CLASP1: variants seen among roughly 807,000 people sequenced by gnomAD.
CLASP1 encodes the protein cytoplasmic linker associated protein 1.
A neutral mutation model predicts 192.3 loss-of-function variants in CLASP1; 38 were observed. The ratio of observed to expected loss-of-function variants is 0.20; its 90% CI spans 0.15 to 0.26. The LOEUF is 0.26. Ranked by LOEUF, CLASP1 falls within the 10% of genes least tolerant of loss-of-function variation. The pLI is 1.00. For missense variants in CLASP1, 1,433 were observed against 1,932.5 expected (o/e 0.74, Z 4.85); for synonymous variants, 691 against 712.8 (o/e 0.97, Z 0.49).
At chr2:121,366,020 T>C (rs2067338597) in intron 35 of CLASP1, among the ~76,000 whole-genome samples, 1 of 152,212 alleles carries the variant, frequency 6.6e-6, no homozygotes, top group African/African-American at 2.4e-5. Flanking sequence ...ATCAGACAAG[T>C]TATTAGGAAC....
At chr2:121,411,535 ATTAT>A (rs959936247) in intron 23 of CLASP1, among the ~76,000 whole-genome samples, 1 of 151,986 alleles carries the variant, frequency 6.6e-6, no homozygotes, top group African/African-American at 2.4e-5. Context: ...ATTTATTAAA[ATTAT>A]TTAATAATCA....
In CLASP1 at chr2:121,382,189, T is replaced by C; in HGVS notation, c.3491+19A>G. The C allele has an allele frequency of 1.3e-6, 2 of 1,571,850 alleles. No individual in the cohort carries two copies. Among genetic ancestry groups the C allele is most frequent in the Middle Eastern group, 1.7e-4 (1 of 5,998 alleles). On this transcript the variant is annotated intron_variant, in intron 33 of 39. Transcript: ENST00000263710. ...TAATATTGTGACACCTCAGACAAGT[T>C]TGACAGGTAGCTTGTTACCTGGGAG...
rs564978047 is a variant in CLASP1, at chr2:121,530,946, C to T, written c.196-621G>A. 7.9e-5 allele frequency: 55 copies of T among 700,398 alleles called. No homozygotes were observed. Among genetic ancestry groups the T allele is most frequent in the Middle Eastern group, 3.7e-4 (1 of 2,738 alleles). The allele number at this position is 700,398 out of a possible 1,614,324, so 43.4% of individuals were successfully genotyped here. A position where few individuals can be genotyped will look rare whatever the true frequency, so the allele number is the denominator to read the frequency against. On this transcript the variant is annotated intron_variant, in intron 2 of 39. Transcript: ENST00000263710. ...CATAGTGAGGGCAGTACTGCTAACG[C>T]CTGAACAACACACCCGCATCAACTA...
chr2:121,445,591 A>G, intron 19 of CLASP1: 2 of 587,546 alleles, frequency 3.4e-6, no homozygotes, highest in Non-Finnish European at 5.5e-6. Context: ...AATTCTCACT[A>G]GGATTGTGCT....
chr2:121,633,899 C>G (rs1391799681), intron 1 of CLASP1, among the ~76,000 whole-genome samples: 1 of 151,180 alleles, frequency 6.6e-6, no homozygotes, highest in Non-Finnish European at 1.5e-5. Context: ...CCCCGCTACT[C>G]GGTAGGCTGA....
intron 26 of CLASP1, chr2:121,402,548 T>G (rs763949779): frequency 3.9e-6 from 2 of 513,450 alleles, no homozygotes; most frequent in African/African-American, 3.9e-5. Context: ...TGGCTTCACT[T>G]ACAGGCAGCT....
intron 2 of CLASP1, chr2:121,532,314 TTAAAA>T (rs2094915495): frequency 6.6e-6 from 1 of 152,192 alleles, no homozygotes; most frequent in Non-Finnish European, 1.5e-5. Flanking sequence ...TATAAACACT[TTAAAA>T]TAATGACTCT....
At chr2:121,548,705 A>G (rs1226336202) in intron 2 of CLASP1, among the ~76,000 whole-genome samples, 1 of 152,182 alleles carries the variant, frequency 6.6e-6, no homozygotes, top group Non-Finnish European at 1.5e-5. Context: ...CAGGCTTACA[A>G]CAGACTTCTC....
intron 2 of CLASP1, chr2:121,602,942 C>T (rs932974084): frequency 6.6e-6 from 1 of 151,784 alleles, no homozygotes; most frequent in African/African-American, 2.4e-5. Flanking sequence ...AGAAACAAAA[C>T]CAAAAATGAA....
At chr2:121,384,031 C>CACACACAT (rs1195282993) in intron 32 of CLASP1, among the ~76,000 whole-genome samples, 1 of 132,808 alleles carries the variant, frequency 7.5e-6, no homozygotes, top group African/African-American at 2.7e-5. Context: ...CACACACACA[C>CACACACAT]ATATATATGT....
At chr2:121,537,300 G>A (rs960790075) in intron 2 of CLASP1, among the ~76,000 whole-genome samples, 7 of 152,004 alleles carry the variant, frequency 4.6e-5, no homozygotes, top group Non-Finnish European at 7.4e-5. Context: ...GCTGAGGAGA[G>A]AGGATCGCTC....
At chr2:121,442,080 A>G (rs945728406) in intron 19 of CLASP1, among the ~76,000 whole-genome samples, 1 of 152,220 alleles carries the variant, frequency 6.6e-6, no homozygotes, top group Non-Finnish European at 1.5e-5. Context: ...CAGGCCATTC[A>G]AAGCACTGTA....
intron 38 of CLASP1, among the ~76,000 whole-genome samples, chr2:121,347,551 G>C (rs2063606170): frequency 6.6e-6 from 1 of 152,202 alleles, no homozygotes; most frequent in Admixed American, 6.5e-5. Flanking sequence ...TTGTGAAAAT[G>C]CCTTTAAAGA....
intron 1 of CLASP1, among the ~76,000 whole-genome samples, chr2:121,625,484 G>C (rs1309871646): frequency 2.8e-5 from 4 of 142,792 alleles, no homozygotes; most frequent in Non-Finnish European, 4.5e-5. Flanking sequence ...ATCCAGGCTG[G>C]AGTGCAGTGG....
chr2:121,436,091 G>A (rs1217651309), intron 19 of CLASP1, among the ~76,000 whole-genome samples: 1 of 151,798 alleles, frequency 6.6e-6, no homozygotes, highest in African/African-American at 2.4e-5. Flanking sequence ...GAGTACAGTG[G>A]TGTGATCTCA....
chr2:121,527,877 C>T lies in CLASP1; in HGVS notation c.392G>A (p.Arg131Lys), dbSNP rs1350345854. Residue 131 changes from arginine (R) to lysine (K), a missense_variant, in exon 5 of 40, where the codon AGA becomes AAA. Physicochemically the swap from Arg to Lys is conservative, Grantham distance 26. Coordinates refer to ENST00000263710, the Ensembl canonical transcript of CLASP1. ...CTTGTGTTTGAAGCCTCCAAGCATT[C>T]TGTCCCATACGTACTGCAGATGACA... The T allele has an allele frequency of 3.1e-6, 5 of 1,613,646 alleles. No homozygotes were observed. The Admixed American group carries it at 6.7e-5, about 22-fold the overall frequency.
At chr2:121,352,907 G>A (rs921233871) in intron 37 of CLASP1, among the ~76,000 whole-genome samples, 2 of 151,922 alleles carry the variant, frequency 1.3e-5, no homozygotes, top group African/African-American at 4.8e-5. Context: ...ACCCACCTCA[G>A]CCTCCAAAGT....
chr2:121,613,970 G>C (rs529969550), intron 1 of CLASP1, among the ~76,000 whole-genome samples: 1 of 152,178 alleles, frequency 6.6e-6, no homozygotes, highest in South Asian at 2.1e-4. Context: ...CTCTACAATG[G>C]TGTCACTCAC....
intron 12 of CLASP1, chr2:121,459,775 G>C (rs1023421148): frequency 5.0e-6 from 2 of 401,280 alleles, no homozygotes; most frequent in African/African-American, 4.1e-5. Flanking sequence ...CTATGTCACT[G>C]AATAAAATTT....
Sources: allele counts gnomAD v4.1 joint callset (sites outside exome capture counted in the v4.1 genomes callset), GRCh38; gene constraint gnomAD v4.1.1; transcripts MANE v1.5; gene names NCBI Gene and HGNC (gene_info 2026-07-23, HGNC 2026-07-21).